The following ACOX1 variants were observed in gnomAD, a reference collection of about 807,000 sequenced individuals.
The protein encoded by ACOX1 is peroxisomal acyl-coenzyme A oxidase 1.
In ACOX1, 41 loss-of-function variants were observed where a neutral mutation model predicts 75.5. That is an observed-to-expected ratio of 0.54 (90% confidence interval 0.42 to 0.70). The LOEUF is 0.70. Ranked by LOEUF, ACOX1 falls within the 30% of genes least tolerant of loss-of-function variation. The probability of loss-of-function intolerance (pLI) is 0.00; values close to 1 mark genes in which losing one functional copy is unlikely to be tolerated. For synonymous variants in ACOX1, 303 were observed against 298.8 expected (o/e 1.01, Z -0.15); for missense variants, 630 against 837.5 (o/e 0.75, Z 3.06).
In ACOX1 at chr17:75,953,522, C is replaced by A. The variant is rs974686336; in HGVS notation, c.873G>T (p.Arg291=). 1 of 1,614,110 alleles carries A rather than the reference C, an allele frequency of 6.2e-7. No homozygotes were observed. Among genetic ancestry groups the A allele is most frequent in the Non-Finnish European group, 8.5e-7 (1 of 1,180,002 alleles). The change falls in exon 7 of 14, where the codon CGG becomes CGT. Residue 291 remains arginine, a synonymous_variant. Transcript: ENST00000293217. ...VRSFLVGEAA[R]ALSKACTIAI... is the part of the protein sequence containing the mutation. ...CAATGGTGCACGCCTTAGACAGAGC[C>A]CGAGCAGCTTCTCCCACAAGGAAGG... is the stretch of plus-strand genomic sequence containing the variant.
chr17:75,953,477 C>T lies in ACOX1; in HGVS notation c.918G>A (p.Val306=), dbSNP rs2144248007. ...ACTIAIRYSA[V]RHQSEIKPGE... is the part of the protein sequence containing the mutation. Reference sequence around the variant, plus strand: ...CTGGCTTGATTTCAGACTGGTGCCTCACAGCGCTGTATCGGATGGCAATGG... The same window carrying T: ...CTGGCTTGATTTCAGACTGGTGCCTTACAGCGCTGTATCGGATGGCAATGG... The change falls in exon 7 of 14, where the codon GTG becomes GTA. Residue 306 remains valine (V), a synonymous_variant. Transcript: ENST00000293217. The T allele has an allele frequency of 1.2e-6, 2 of 1,614,056 alleles. No homozygotes were observed. Among genetic ancestry groups the T allele is most frequent in the Non-Finnish European group, 1.7e-6 (2 of 1,179,970 alleles).
chr17:75,973,510 A>C (rs2066016013), intron 2 of ACOX1: 1 of 1,142,980 alleles, frequency 8.7e-7, no homozygotes, highest in South Asian at 1.3e-5. Context: ...TTTTGACTTA[A>C]CAACTTAAAA....
At chr17:75,972,645 CAAAAA>C (rs10606220) in intron 2 of ACOX1, among the ~76,000 whole-genome samples, 3 of 99,198 alleles carry the variant, frequency 3.0e-5, no homozygotes, top group Admixed American at 1.1e-4. Flanking sequence ...AACTCTGTCT[CAAAAA>C]AAAAAAAAAA....
chr17:75,955,537 C>A, intron 6 of ACOX1, 29 bp downstream of exon 6: 1 of 1,578,758 alleles, frequency 6.3e-7, no homozygotes, highest in East Asian at 2.2e-5. Flanking sequence ...CTGTTTGATG[C>A]CTCTGCTTTA....
At chr17:75,977,651 G>A (rs1447263075) in intron 2 of ACOX1, among the ~76,000 whole-genome samples, 13 of 152,178 alleles carry the variant, frequency 8.5e-5, no homozygotes, top group Admixed American at 8.5e-4. Flanking sequence ...AACCAAGGCA[G>A]GTTTTTATGA....
intron 2 of ACOX1, among the ~76,000 whole-genome samples, chr17:75,967,523 A>C (rs899486267): frequency 6.7e-6 from 1 of 150,180 alleles, no homozygotes. Context: ...TAAAATTTAT[A>C]CCTATGCAGA....
Position 75,967,712 on chromosome 17 carries a change from ATATATACACATATATATATATACACG to A in ACOX1, c.270-7363_270-7338del, listed in dbSNP as rs1164027014. Among the ~76,000 whole-genome samples, 23 of 134,442 alleles carry A rather than the reference ATATATACACATATATATATATACACG, an allele frequency of 1.7e-4. 1 individual carries two copies. Among genetic ancestry groups the A allele is most frequent in the Non-Finnish European group, 1.1e-4 (7 of 62,378 alleles). The allele number at this position is 134,442 out of a possible 152,430, so 88.2% of individuals were successfully genotyped here. A position where few individuals can be genotyped will look rare whatever the true frequency, so the allele number is the denominator to read the frequency against. ...TATATACATACATATATATACATAT[ATATATACACATATATATATATACACG>A]TATATATATATATATTTTTTGAGAC... On this transcript the variant is annotated intron_variant, in intron 2 of 13. Coordinates refer to ENST00000293217, the MANE Select transcript of ACOX1 (RefSeq NM_004035.7).
At chr17:75,958,371 AAAAG>A (rs1444337700) in intron 3 of ACOX1, among the ~76,000 whole-genome samples, 1 of 144,092 alleles carries the variant, frequency 6.9e-6, no homozygotes, top group African/African-American at 2.6e-5. Flanking sequence ...AAAAAAAAGA[AAAAG>A]AAAAAGAAAA....
chr17:75,948,419 G>C lies in ACOX1; in HGVS notation c.1767C>G (p.Asn589Lys). The change falls in exon 13 of 14, where the codon AAC becomes AAG. Residue 589 changes from asparagine to lysine, a missense_variant. Transcript: ENST00000293217. Reference sequence around the variant, plus strand: ...GAGTGAGTAACTCCTTTACACGCTGGTTTACTTGTGTAATCTGAGGCTCTG... The same window carrying C: ...GAGTGAGTAACTCCTTTACACGCTGCTTTACTTGTGTAATCTGAGGCTCTG... ...IMTEPQITQVNQRVKELLTLI... is the reference protein window; with the variant it reads ...IMTEPQITQVKQRVKELLTLI... 1 of 1,614,096 alleles carries C rather than the reference G, an allele frequency of 6.2e-7. No homozygotes were observed. Among genetic ancestry groups the C allele is most frequent in the Non-Finnish European group, 8.5e-7 (1 of 1,180,032 alleles).
rs1250172503 is a variant in ACOX1 at position 75,970,661 on chromosome 17, C to T, written c.269+7873G>A. 4.6e-5 allele frequency among the ~76,000 whole-genome samples: 7 copies of T among 152,288 alleles called. No individual in the cohort carries two copies. The East Asian group carries it at 1.3e-3, about 29-fold the overall frequency. On this transcript the variant is annotated intron_variant, in intron 2 of 13. Coordinates refer to ENST00000293217, the MANE Select transcript of ACOX1 (RefSeq NM_004035.7). ...ACCCAGAAGTGAAAGAATCCCAAAC[C>T]CAAAGTTACAGCTACTTCTGTGAGA... is the stretch of plus-strand genomic sequence containing the variant.
chr17:75,978,633 C>G lies in ACOX1; in HGVS notation c.170G>C (p.Ser57Thr). ...QHEDLNFLTR[S>T]QRYEVAVRKS... ...CCTGACAGCCACCTCATAACGCTGG[C>G]TGCGAGTGAGGAAGTTCAAGTCCTC... is the stretch of plus-strand genomic sequence containing the variant. The change falls in exon 2 of 14, where the codon AGC becomes ACC. Residue 57 changes from serine to threonine, a missense_variant. This residue lies in a region of ACOX1 where 390 missense variants were observed against 574.9 expected (regional missense o/e 0.68). Coordinates refer to ENST00000293217, the MANE Select transcript of ACOX1 (RefSeq NM_004035.7). This position sits in a 1 kb window ranked among gnomAD's most constrained non-coding sequence, Gnocchi z 4.2. The G allele has an allele frequency of 6.2e-7, 1 of 1,614,196 alleles. No homozygotes were observed. Among genetic ancestry groups the G allele is most frequent in the Non-Finnish European group, 8.5e-7 (1 of 1,180,040 alleles).
At position 75,978,444 on chromosome 17, in the gene ACOX1, A is replaced by G; in HGVS notation, c.269+90T>C. ...GAAAATATGCCAGTTTGCATCTTCAAACACCAAGCACGGTGATGAAAGGCC... is the reference window on the plus strand; with the variant it reads ...GAAAATATGCCAGTTTGCATCTTCAGACACCAAGCACGGTGATGAAAGGCC... On this transcript the variant is annotated intron_variant, in intron 2 of 13. Transcript: ENST00000293217. This position sits in a 1 kb window ranked among gnomAD's most constrained non-coding sequence, Gnocchi z 4.2. 6.5e-7 allele frequency: 1 copy of G among 1,544,840 alleles called. No individual in the cohort carries two copies. The highest frequency in any genetic ancestry group is 8.9e-7 in the Non-Finnish European group (1 of 1,118,890).
intron 2 of ACOX1, among the ~76,000 whole-genome samples, chr17:75,969,452 C>T (rs1421313317): frequency 6.6e-6 from 1 of 152,190 alleles, no homozygotes; most frequent in Non-Finnish European, 1.5e-5. Context: ...AGGCGTGAGC[C>T]ACCGTGCCTG....
At chr17:75,957,802 A>G (rs1240227241) in intron 3 of ACOX1, among the ~76,000 whole-genome samples, 1 of 152,166 alleles carries the variant, frequency 6.6e-6, no homozygotes, top group African/African-American at 2.4e-5. Context: ...CCATTTCTGT[A>G]TTTGATTTGT....
chr17:75,971,221 G>A (rs2065990800), intron 2 of ACOX1, among the ~76,000 whole-genome samples: 1 of 151,758 alleles, frequency 6.6e-6, no homozygotes, highest in South Asian at 2.1e-4. Context: ...AACCTGGGAG[G>A]CGGAGGTTGC....
chr17:75,978,924 T>A lies in ACOX1; in HGVS notation c.109+41A>T. 6.2e-7 allele frequency: 1 copy of A among 1,605,782 alleles called. No homozygotes were observed. The highest frequency in any genetic ancestry group is 8.5e-7 in the Non-Finnish European group (1 of 1,179,356). ...ACTCCGCATCGAGGGAGTCTCCAGC[T>A]TTTCTCGGGAAAGGAGGGAGGTCTC... On this transcript the variant is annotated intron_variant, in intron 1 of 13. Transcript: ENST00000293217. This position sits in a 1 kb window ranked among gnomAD's most constrained non-coding sequence, Gnocchi z 4.2.
At position 75,946,337 on chromosome 17, in the gene ACOX1, A is replaced by G; in HGVS notation, c.*411T>C. 3.9e-6 allele frequency: 1 copy of G among 253,236 alleles called. No homozygotes were observed. Among genetic ancestry groups the G allele is most frequent in the South Asian group, 4.3e-5 (1 of 23,374 alleles). The allele number at this position is 253,236 out of a possible 1,614,324, so 15.7% of individuals were successfully genotyped here. On this transcript the variant is annotated 3_prime_UTR_variant, in exon 14 of 14. Coordinates refer to ENST00000293217, the MANE Select transcript of ACOX1 (RefSeq NM_004035.7). ...TAAGTCTGGTAGAACACTGAGCAGGAAAGCTTGGAAGGGTTCTACACCACT... is the reference window on the plus strand; with the variant it reads ...TAAGTCTGGTAGAACACTGAGCAGGGAAGCTTGGAAGGGTTCTACACCACT...
chr17:75,975,216 T>G (rs1454710982), intron 2 of ACOX1, among the ~76,000 whole-genome samples: 1 of 151,898 alleles, frequency 6.6e-6, no homozygotes, highest in Non-Finnish European at 1.5e-5. Flanking sequence ...TGGAGTACAG[T>G]GGTGTGATCC....
At position 75,948,288 on chromosome 17, in the gene ACOX1, A is replaced by G; in HGVS notation, c.1898T>C (p.Phe633Ser). Residue 633 changes from phenylalanine (F) to serine (S), a missense_variant, in exon 13 of 14, where the codon TTT becomes TCT. By Grantham distance (155) the Phe-to-Ser change is radical. Around this residue, in one of 2 missense-constraint regions of ACOX1, gnomAD observed 240 missense variants for 262.7 expected, o/e 0.91. Coordinates refer to ENST00000293217, the MANE Select transcript of ACOX1 (RefSeq NM_004035.7). ...CAGTGGGGAGTTCTTAGCCCACTCA[A>G]ACAAGTTTTCATACACATTCCCATC... ...RYDGNVYENL[F>S]EWAKNSPLNK... 1.2e-6 allele frequency: 2 copies of G among 1,614,138 alleles called. No homozygotes were observed. The highest frequency in any genetic ancestry group is 1.7e-6 in the Non-Finnish European group (2 of 1,180,024).
Sources: allele counts gnomAD v4.1 joint callset (sites outside exome capture counted in the v4.1 genomes callset), GRCh38; gene constraint gnomAD v4.1.1; regional missense constraint gnomAD v4.1.1; non-coding constraint Gnocchi (gnomAD v3.1); transcripts MANE v1.5; gene names NCBI Gene and HGNC (gene_info 2026-07-23, HGNC 2026-07-21).